The following BEND2 variants were observed in gnomAD, a reference collection of about 807,000 sequenced individuals.
BEND2 encodes the protein BEN domain containing 2.
A neutral mutation model predicts 43.8 loss-of-function variants in BEND2; 19 were observed. That is an observed-to-expected ratio of 0.43 (90% CI 0.30 to 0.64). The LOEUF (loss-of-function observed/expected upper bound fraction) is 0.64. Ranked by LOEUF, BEND2 falls within the 30% of genes least tolerant of loss-of-function variation. BEND2 has a pLI of 0.11. For synonymous variants in BEND2, 226 were observed against 210.1 expected (o/e 1.08, Z -0.66); for missense variants, 544 against 574.0 (o/e 0.95, Z 0.53).
chrX:18,220,632 C>T (rs1218178449), intron 1 of BEND2, 94 bp downstream of exon 1: 8 of 1,129,687 alleles, frequency 7.1e-6, no homozygotes, highest in Non-Finnish European at 9.7e-6. Context: ...CCAATCCTGC[C>T]GCCCCTGAAT....
intron 1 of BEND2, among the ~76,000 whole-genome samples, chrX:18,219,277 ACT>A (rs1444415109): frequency 8.9e-6 from 1 of 112,144 alleles, no homozygotes; most frequent in African/African-American, 3.2e-5. Context: ...AGTTTGCCGC[ACT>A]CGGGGAGAGC....
At chrX:18,177,154 C>T (rs1316792914) in intron 10 of BEND2, among the ~76,000 whole-genome samples, 1 of 108,841 alleles carries the variant, frequency 9.2e-6, no homozygotes, top group Admixed American at 9.9e-5. Flanking sequence ...CTAAAAAGAA[C>T]TAATCATAAA....
intron 7 of BEND2, among the ~76,000 whole-genome samples, chrX:18,192,717 T>C (rs183733654): frequency 8.3e-4 from 93 of 112,438 alleles, no homozygotes; most frequent in African/African-American, 2.6e-3. Flanking sequence ...AATGGGTGAA[T>C]GAATAAGCCA....
intron 12 of BEND2, among the ~76,000 whole-genome samples, chrX:18,173,280 G>A (rs1924031793): frequency 9.0e-6 from 1 of 111,464 alleles, no homozygotes; most frequent in Admixed American, 9.6e-5. Flanking sequence ...GTATTCAACT[G>A]GTGACTTGTG....
chrX:18,180,562 A>C lies in BEND2; in HGVS notation c.1377T>G (p.Ser459Arg). The part of the protein sequence containing the change: ...NTMNRSTLLD[S>R]DSGQDSSSSS... The stretch of plus-strand genomic sequence containing the variant: ...ATGAGGAAGAATCCTGGCCACTGTC[A>C]CTGTCCAATAAAGTTGAGCGATTCA... The change falls in exon 9 of 14, where the codon AGT (serine) becomes AGG (arginine). Residue 459 changes from serine (S) to arginine (R), a missense_variant. Transcript: ENST00000380033. The C allele has an allele frequency of 8.3e-7, 1 of 1,209,764 alleles. No homozygotes were observed.
chrX:18,206,189 C>T (rs948862787), intron 4 of BEND2, among the ~76,000 whole-genome samples: 7 of 111,313 alleles, frequency 6.3e-5, no homozygotes, highest in Non-Finnish European at 1.1e-4. Context: ...ATTACCAGCG[C>T]CATGACACAG....
At chrX:18,185,533 AAAT>A (rs141832867) in intron 8 of BEND2, among the ~76,000 whole-genome samples, 22,974 of 87,816 alleles carry the variant, frequency 0.26, 2,844 homozygotes, top group East Asian at 0.49. Context: ...TCAGTCGCAA[AAAT>A]AATAATAATA....
Position 18,217,922 on chromosome X carries a change from A to AAATAAT in BEND2, c.26-1195_26-1190dup, listed in dbSNP as rs56310183. The stretch of plus-strand genomic sequence containing the variant: ...ATGGCGAAATCCTGTCTCTACCAAA[A>AAATAAT]AATAATAATAATAATAATAATAATA... On this transcript the variant is annotated intron_variant, in intron 1 of 13. Transcript: ENST00000380033. Among the ~76,000 whole-genome samples the AAATAAT allele has an allele frequency of 1.7e-3, 176 of 104,543 alleles. 2 individuals carry two copies. The highest frequency in any genetic ancestry group is 5.5e-3 in the African/African-American group (157 of 28,329). 90.8% of individuals were successfully genotyped at this position (104,543 alleles called of 115,157 possible).
At chrX:18,202,520 T>A (rs1360430004) in intron 5 of BEND2, among the ~76,000 whole-genome samples, 1 of 111,799 alleles carries the variant, frequency 8.9e-6, no homozygotes, top group Non-Finnish European at 1.9e-5. Context: ...CTTGTCCTTC[T>A]ACCTTCTGCC....
chrX:18,217,922 A>AATAAT (rs1569129133), intron 1 of BEND2, among the ~76,000 whole-genome samples: 28 of 104,545 alleles, frequency 2.7e-4, no homozygotes, highest in African/African-American at 9.2e-4. Flanking sequence ...CTCTACCAAA[A>AATAAT]AATAATAATA....
At chrX:18,183,933 C>T (rs983737771) in intron 8 of BEND2, among the ~76,000 whole-genome samples, 6 of 111,836 alleles carry the variant, frequency 5.4e-5, no homozygotes, top group African/African-American at 1.9e-4. Flanking sequence ...CTGGGGGGAA[C>T]TCACCACCCT....
intron 1 of BEND2, among the ~76,000 whole-genome samples, chrX:18,218,873 AAAAC>A (rs1053612549): frequency 7.1e-5 from 8 of 112,203 alleles, no homozygotes; most frequent in African/African-American, 2.3e-4. Context: ...AAAACAAAAC[AAAAC>A]AAACAAACAA....
chrX:18,166,940 C>G (rs1307973118), intron 13 of BEND2, among the ~76,000 whole-genome samples: 1 of 109,833 alleles, frequency 9.1e-6, no homozygotes, highest in Non-Finnish European at 1.9e-5. Flanking sequence ...TTGACTGAGG[C>G]CCTTGGAGTG....
At position 18,203,840 on chromosome X, in the gene BEND2, C is replaced by G. The variant is rs1366713950; in HGVS notation, c.568G>C (p.Glu190Gln). ...TGCAGTTCATGACATGCTGCTGACT[C>G]AAGAGATGTTACAGCAGGGCTGGCC... ...AWASPAVTSL[E>Q]SAACHELQEA... The change falls in exon 5 of 14, where the codon GAG becomes CAG. Residue 190 changes from glutamate (E) to glutamine (Q), a missense_variant. Around this residue, in one of 2 missense-constraint regions of BEND2, gnomAD observed 501 missense variants for 501.6 expected, o/e 1.00. Coordinates refer to ENST00000380033, the MANE Select transcript of BEND2 (RefSeq NM_153346.5). 8.3e-7 allele frequency: 1 copy of G among 1,209,078 alleles called. No individual in the cohort carries two copies. The highest frequency in any genetic ancestry group is 1.7e-5 in the African/African-American group (1 of 57,299).
chrX:18,173,685 G>A (rs1016522470), intron 12 of BEND2, among the ~76,000 whole-genome samples: 2 of 111,287 alleles, frequency 1.8e-5, no homozygotes, highest in African/African-American at 6.5e-5. Context: ...ATCCTACTGC[G>A]CACCTGCAAT....
At chrX:18,196,203 G>T (rs1054765871) in intron 6 of BEND2, among the ~76,000 whole-genome samples, 2 of 108,927 alleles carry the variant, frequency 1.8e-5, no homozygotes, top group African/African-American at 6.7e-5. Context: ...GGAGGCTGAG[G>T]CAAGAGAACT....
In BEND2 at chrX:18,174,017, TA is replaced by T; in HGVS notation, c.1981+12del. On this transcript the variant is annotated intron_variant, in intron 12 of 13. Transcript: ENST00000380033. ...GAGAACTTATTTAAATATAAGTTTT[TA>T]AAAAAACTCACTCCATGCTTCACCA... The T allele has an allele frequency of 1.7e-6, 2 of 1,186,032 alleles. No individual in the cohort carries two copies. Among genetic ancestry groups the T allele is most frequent in the Non-Finnish European group, 1.1e-6 (1 of 877,596 alleles).
At chrX:18,207,266 T>C (rs1295095224) in intron 4 of BEND2, among the ~76,000 whole-genome samples, 1 of 112,310 alleles carries the variant, frequency 8.9e-6, no homozygotes, top group African/African-American at 3.2e-5. Flanking sequence ...AGAAACATTA[T>C]ATACGGTAAG....
chrX:18,201,681 C>A lies in BEND2; in HGVS notation c.1033+134G>T, dbSNP rs201271277. 56 of 742,540 alleles carry A rather than the reference C, an allele frequency of 7.5e-5. No individual in the cohort carries two copies. The East Asian group carries it at 2.0e-3, about 27-fold the overall frequency. 61.2% of individuals were successfully genotyped at this position (742,540 alleles called of 1,213,427 possible). Reference sequence around the variant, plus strand: ...TAATTTTTTGTATTTTTAGTAGAGACGGGTTTTCACCATGTTGGTCAGGCT... The same window carrying A: ...TAATTTTTTGTATTTTTAGTAGAGAAGGGTTTTCACCATGTTGGTCAGGCT... On this transcript the variant is annotated intron_variant, in intron 6 of 13. Transcript: ENST00000380033.
Sources: allele counts gnomAD v4.1 joint callset (sites outside exome capture counted in the v4.1 genomes callset), GRCh38; gene constraint gnomAD v4.1.1; regional missense constraint gnomAD v4.1.1; transcripts MANE v1.5; gene names NCBI Gene and HGNC (gene_info 2026-07-23, HGNC 2026-07-21).